CDKAL1: variants seen among roughly 807,000 people sequenced by gnomAD.
CDKAL1 encodes the protein CDKAL1 threonylcarbamoyladenosine tRNA methylthiotransferase.
CDKAL1 carries 32 observed loss-of-function variants against 68.2 expected under a neutral mutation model. The ratio of observed to expected loss-of-function variants is 0.47; its 90% CI spans 0.35 to 0.63. CDKAL1 has a LOEUF of 0.63. Ranked by LOEUF, CDKAL1 falls within the 30% of genes least tolerant of loss-of-function variation. The pLI is 0.00. For synonymous variants in CDKAL1, 234 were observed against 244.3 expected (o/e 0.96, Z 0.39); for missense variants, 606 against 696.7 (o/e 0.87, Z 1.47).
chr6:21,196,986 C>A (rs1182267156), intron 13 of CDKAL1, among the ~76,000 whole-genome samples: 1 of 151,820 alleles, frequency 6.6e-6, no homozygotes, highest in South Asian at 2.1e-4. Context: ...GGCAAAACCC[C>A]GTCTCTACTA....
Position 20,756,854 on chromosome 6 carries a change from CCCTTCCTTCCTTCCTTCCTTCCTT to C in CDKAL1, c.469-1694_469-1671del, listed in dbSNP as rs67562413. The C allele has an allele frequency of 1.2e-3, 60 of 51,694 alleles. 2 individuals are homozygous for C. The highest frequency in any genetic ancestry group is 3.3e-3 in the African/African-American group (41 of 12,240). The allele number at this position is 51,694 out of a possible 1,614,324, so 3.2% of individuals were successfully genotyped here. ...TTCCTTCCTTTCTTCCTTCCTTCTC[CCCTTCCTTCCTTCCTTCCTTCCTT>C]CCTTCCTTCCTTCCTTCCTTCCTTC... On this transcript the variant is annotated intron_variant, in intron 6 of 15. Transcript: ENST00000274695.
chr6:21,115,031 T>C (rs1452899813), intron 13 of CDKAL1, among the ~76,000 whole-genome samples: 1 of 152,192 alleles, frequency 6.6e-6, no homozygotes, highest in Non-Finnish European at 1.5e-5. Context: ...AGCAAAAATC[T>C]ATATCAAAAG....
chr6:21,096,005 A>G (rs1773295062), intron 12 of CDKAL1, among the ~76,000 whole-genome samples: 1 of 152,232 alleles, frequency 6.6e-6, no homozygotes, highest in Non-Finnish European at 1.5e-5. Flanking sequence ...CATTGCTGAT[A>G]GAAATGATTT....
intron 13 of CDKAL1, among the ~76,000 whole-genome samples, chr6:21,180,997 C>T (rs1486151724): frequency 1.3e-5 from 2 of 152,098 alleles, no homozygotes; most frequent in Non-Finnish European, 1.5e-5. Context: ...CAGCATCTGA[C>T]CAGGCCCTTA....
chr6:20,808,925 CTCT>C (rs1209229521), intron 8 of CDKAL1, among the ~76,000 whole-genome samples: 1 of 152,132 alleles, frequency 6.6e-6, no homozygotes, highest in Non-Finnish European at 1.5e-5. Context: ...GTTTCAGATT[CTCT>C]TCTTGACTAC....
chr6:21,005,225 A>T (rs1227231414), intron 11 of CDKAL1, among the ~76,000 whole-genome samples: 3 of 152,280 alleles, frequency 2.0e-5, no homozygotes, highest in Non-Finnish European at 4.4e-5. Flanking sequence ...AATTACTTTA[A>T]TTGGGCCTCT....
chr6:21,035,825 A>G (rs1329993165), intron 11 of CDKAL1, among the ~76,000 whole-genome samples: 2 of 152,156 alleles, frequency 1.3e-5, no homozygotes, highest in African/African-American at 4.8e-5. Context: ...ATACCAATTC[A>G]TGATATCAGC....
intron 10 of CDKAL1, among the ~76,000 whole-genome samples, chr6:20,975,550 G>A (rs1765804873): frequency 6.6e-6 from 1 of 152,022 alleles, no homozygotes. Flanking sequence ...AATAACATCA[G>A]GGCATTTCTT....
intron 2 of CDKAL1, among the ~76,000 whole-genome samples, chr6:20,537,047 G>T (rs1399917682): frequency 6.6e-6 from 1 of 151,890 alleles, no homozygotes; most frequent in Non-Finnish European, 1.5e-5. Flanking sequence ...TTTTGTTTTT[G>T]TTTTTGTTTT....
At chr6:21,071,954 C>T (rs1430585080) in intron 12 of CDKAL1, among the ~76,000 whole-genome samples, 3 of 152,124 alleles carry the variant, frequency 2.0e-5, no homozygotes, top group Admixed American at 6.5e-5. Context: ...TGAATACTTC[C>T]ACTGTTGCCA....
At chr6:20,716,957 G>A (rs1178690218) in intron 5 of CDKAL1, among the ~76,000 whole-genome samples, 1 of 152,056 alleles carries the variant, frequency 6.6e-6, no homozygotes, top group Non-Finnish European at 1.5e-5. Flanking sequence ...GGAAGTCGGG[G>A]GAAGTGTTTT....
chr6:20,772,897 G>GC (rs1686546876), intron 7 of CDKAL1: 1 of 152,172 alleles, frequency 6.6e-6, no homozygotes, highest in South Asian at 2.1e-4. Context: ...GTTAAACTCT[G>GC]GAAATGCACC....
intron 11 of CDKAL1, among the ~76,000 whole-genome samples, chr6:21,007,482 CAAAAAAAAA>C (rs147527333): frequency 7.1e-5 from 6 of 84,548 alleles, no homozygotes; most frequent in African/African-American, 1.5e-4. Context: ...GACCCTGTCT[CAAAAAAAAA>C]AAAAAAAAAA....
chr6:20,703,041 G>A (rs1771441274), intron 5 of CDKAL1, among the ~76,000 whole-genome samples: 1 of 152,226 alleles, frequency 6.6e-6, no homozygotes, highest in Non-Finnish European at 1.5e-5. Context: ...ACAACTTACT[G>A]TAATATGGTT....
At chr6:20,792,558 C>G (rs1429837128) in intron 8 of CDKAL1, among the ~76,000 whole-genome samples, 1 of 152,152 alleles carries the variant, frequency 6.6e-6, no homozygotes, top group African/African-American at 2.4e-5. Context: ...GTCCGTTCTC[C>G]TCCCCCACTT....
intron 8 of CDKAL1, among the ~76,000 whole-genome samples, chr6:20,799,044 T>TTTTTG (rs1776247046): frequency 4.9e-5 from 5 of 102,588 alleles, no homozygotes; most frequent in Non-Finnish European, 9.8e-5. Context: ...AACTGAGTTT[T>TTTTTG]TTTTTTTTTT....
chr6:20,752,646 T>G (rs1423235688), intron 6 of CDKAL1, among the ~76,000 whole-genome samples: 1 of 152,190 alleles, frequency 6.6e-6, no homozygotes, highest in Non-Finnish European at 1.5e-5. Flanking sequence ...TCTTTTTATG[T>G]GTACACATTT....
chr6:20,850,947 A>C (rs1758974527), intron 9 of CDKAL1, among the ~76,000 whole-genome samples: 1 of 152,192 alleles, frequency 6.6e-6, no homozygotes, highest in South Asian at 2.1e-4. Context: ...ACAGCATTAA[A>C]GTAAATATTT....
chr6:20,825,927 C>T (rs1297670441), intron 8 of CDKAL1, among the ~76,000 whole-genome samples: 1 of 152,032 alleles, frequency 6.6e-6, no homozygotes, highest in Non-Finnish European at 1.5e-5. Context: ...CTTATTCTGT[C>T]ATTTTGGGGG....
Sources: allele counts gnomAD v4.1 joint callset (sites outside exome capture counted in the v4.1 genomes callset), GRCh38; gene constraint gnomAD v4.1.1; transcripts MANE v1.5; gene names NCBI Gene and HGNC (gene_info 2026-07-23, HGNC 2026-07-21).